The following CRPPA variants were observed in gnomAD, a reference collection of about 807,000 sequenced individuals.
CRPPA encodes the protein CDP-L-ribitol pyrophosphorylase A, also known as D-ribitol-5-phosphate cytidylyltransferase.
Under a neutral mutation model 52.0 loss-of-function variants are expected in CRPPA, and 43 were observed. That is an observed-to-expected ratio of 0.83 (90% CI 0.65 to 1.07). CRPPA has a LOEUF of 1.07. CRPPA is among the 50% of genes least tolerant of loss of function. The pLI is 0.00. For synonymous variants in CRPPA, 250 were observed against 203.5 expected (o/e 1.23, Z -1.94); for missense variants, 629 against 551.7 (o/e 1.14, Z -1.40).
At chr7:16,404,896 C>T (rs1174976939) in intron 2 of CRPPA, among the ~76,000 whole-genome samples, 3 of 152,194 alleles carry the variant, frequency 2.0e-5, no homozygotes, top group Non-Finnish European at 4.4e-5. Context: ...CCACAAGTTT[C>T]ACTACCTTAA....
intron 9 of CRPPA, among the ~76,000 whole-genome samples, chr7:16,206,174 T>C (rs1440818047): frequency 1.3e-5 from 2 of 152,120 alleles, no homozygotes; most frequent in Non-Finnish European, 2.9e-5. Flanking sequence ...CACAGAAGCA[T>C]ATCCCCAGTG....
intron 9 of CRPPA, among the ~76,000 whole-genome samples, chr7:16,134,137 TAGTC>T (rs894473399): frequency 4.8e-5 from 6 of 124,656 alleles, no homozygotes; most frequent in African/African-American, 1.6e-4. Flanking sequence ...TTCACCATGT[TAGTC>T]AGGATGGTCT....
At chr7:16,177,041 G>C (rs1205404338) in intron 9 of CRPPA, among the ~76,000 whole-genome samples, 1 of 152,084 alleles carries the variant, frequency 6.6e-6, no homozygotes, top group African/African-American at 2.4e-5. Context: ...AAAAAAGTGA[G>C]ACTCAACTCA....
chr7:16,257,292 T>A (rs76424871), intron 8 of CRPPA, among the ~76,000 whole-genome samples: 17,909 of 152,094 alleles, frequency 0.12, 1,096 homozygotes, highest in Non-Finnish European at 0.15. Context: ...AGCAAGTAAA[T>A]GTGGAGAGAG....
intron 2 of CRPPA, among the ~76,000 whole-genome samples, chr7:16,392,327 A>C (rs968034662): frequency 1.3e-5 from 2 of 152,158 alleles, no homozygotes; most frequent in Admixed American, 6.6e-5. Context: ...AAATGGCAGA[A>C]TATTATATCA....
At chr7:16,389,173 C>T (rs367882772) in intron 2 of CRPPA, among the ~76,000 whole-genome samples, 178 of 152,122 alleles carry the variant, frequency 1.2e-3, no homozygotes, top group African/African-American at 4.0e-3. Context: ...TGAACTATGC[C>T]AAAAATTTAA....
At chr7:16,180,998 T>C (rs1781402453) in intron 9 of CRPPA, among the ~76,000 whole-genome samples, 1 of 151,960 alleles carries the variant, frequency 6.6e-6, no homozygotes, top group Non-Finnish European at 1.5e-5. Flanking sequence ...GTGATATACA[T>C]GATTAGAAAA....
At chr7:16,262,261 C>G (rs749604840) in intron 6 of CRPPA, among the ~76,000 whole-genome samples, 4 of 152,164 alleles carry the variant, frequency 2.6e-5, no homozygotes, top group Non-Finnish European at 4.4e-5. Flanking sequence ...CCTTAGTCAT[C>G]TAAACACCTA....
chr7:16,155,706 G>T (rs1164612048), intron 9 of CRPPA, among the ~76,000 whole-genome samples: 1 of 152,076 alleles, frequency 6.6e-6, no homozygotes, highest in African/African-American at 2.4e-5. Context: ...TTGTGTTATC[G>T]ATAAGGCTTG....
At position 16,406,875 on chromosome 7, in the gene CRPPA, AT is replaced by A. The variant is rs146942600; in HGVS notation, c.258-539del. On this transcript the variant is annotated intron_variant, in intron 1 of 9. Transcript: ENST00000407010. The stretch of plus-strand genomic sequence containing the variant: ...ACCTTAAATGGGAGAAACCGTTATA[AT>A]TAATATTGTAGCAATAAGGTTTAAG... Among the ~76,000 whole-genome samples, 1,418 of 152,348 alleles carry A rather than the reference AT, an allele frequency of 9.3e-3. 30 individuals carry two copies. The highest frequency in any genetic ancestry group is 0.033 in the African/African-American group (1,366 of 41,572).
rs1583590941 is a variant in CRPPA at position 16,414,021 on chromosome 7, A to G, written c.257+7045T>C. Reference sequence around the variant, plus strand: ...ACACAACTATCATAAGGTCTAGAATACTTTTTAATCAGTGGAACAGCACAT... The same window carrying G: ...ACACAACTATCATAAGGTCTAGAATGCTTTTTAATCAGTGGAACAGCACAT... On this transcript the variant is annotated intron_variant, in intron 1 of 9. Coordinates refer to ENST00000407010, the MANE Select transcript of CRPPA (RefSeq NM_001101426.4). 2.0e-5 allele frequency among the ~76,000 whole-genome samples: 3 copies of G among 152,352 alleles called. No homozygotes were observed. The East Asian group carries it at 5.8e-4, about 29-fold the overall frequency.
chr7:16,236,526 C>A (rs1554295858), intron 8 of CRPPA, among the ~76,000 whole-genome samples: 1 of 152,090 alleles, frequency 6.6e-6, no homozygotes, highest in Non-Finnish European at 1.5e-5. Context: ...AAATCTGAAT[C>A]TAGAAGTTTC....
chr7:16,161,356 C>A (rs1018722906), intron 9 of CRPPA, among the ~76,000 whole-genome samples: 1 of 152,068 alleles, frequency 6.6e-6, no homozygotes, highest in African/African-American at 2.4e-5. Context: ...GAGATATGTT[C>A]CACCAATACC....
intron 9 of CRPPA, among the ~76,000 whole-genome samples, chr7:16,165,858 A>G (rs922610142): frequency 6.6e-6 from 1 of 152,230 alleles, no homozygotes; most frequent in African/African-American, 2.4e-5. Context: ...TTGGTGTACT[A>G]TAACACTTCA....
At chr7:16,234,503 G>T (rs1056514031) in intron 8 of CRPPA, among the ~76,000 whole-genome samples, 21 of 152,166 alleles carry the variant, frequency 1.4e-4, no homozygotes, top group African/African-American at 5.1e-4. Flanking sequence ...AAAAGATCAA[G>T]ATAGTAAAAT....
chr7:16,135,917 A>G (rs1782754552), intron 9 of CRPPA, among the ~76,000 whole-genome samples: 1 of 152,120 alleles, frequency 6.6e-6, no homozygotes. Context: ...GTCCTTTATT[A>G]TGTATTTATG....
intron 3 of CRPPA, among the ~76,000 whole-genome samples, chr7:16,315,187 T>C (rs1785119136): frequency 6.6e-6 from 1 of 152,166 alleles, no homozygotes; most frequent in East Asian, 1.9e-4. Flanking sequence ...ATTTTTATGA[T>C]AGTGTTTCTG....
intron 1 of CRPPA, among the ~76,000 whole-genome samples, chr7:16,410,484 C>T (rs549473655): frequency 1.3e-5 from 2 of 152,300 alleles, no homozygotes; most frequent in South Asian, 4.1e-4. Flanking sequence ...TCTACTGCCA[C>T]GGCTGTGACC....
intron 9 of CRPPA, among the ~76,000 whole-genome samples, chr7:16,184,269 G>C (rs1293182555): frequency 4.6e-5 from 7 of 151,976 alleles, no homozygotes; most frequent in Non-Finnish European, 1.0e-4. Flanking sequence ...GTATGAAAAT[G>C]GACTACTACA....
Sources: gnomAD v4.1 joint callset for allele counts (sites outside exome capture counted in the v4.1 genomes callset) on GRCh38, gnomAD v4.1.1 for gene constraint, MANE v1.5 for transcripts, NCBI Gene and HGNC (gene_info 2026-07-23, HGNC 2026-07-21) for gene names.